The following MAPK10 variants were observed in gnomAD, a reference collection of about 807,000 sequenced individuals.
MAPK10 encodes the protein JNK3 alpha protein kinase.
MAPK10 carries 25 observed loss-of-function variants against 59.3 expected under a neutral mutation model. The ratio of observed to expected loss-of-function variants is 0.42; its 90% CI spans 0.31 to 0.59. The LOEUF is 0.59. Ranked by LOEUF, MAPK10 falls within the 20% of genes least tolerant of loss-of-function variation. The pLI, the probability that MAPK10 is intolerant of heterozygous loss-of-function variation, is 0.15. For missense variants in MAPK10, 351 were observed against 568.9 expected (o/e 0.62, Z 3.90); for synonymous variants, 190 against 200.5 (o/e 0.95, Z 0.44).
At chr4:86,070,345 T>A (rs993243947) in intron 9 of MAPK10, among the ~76,000 whole-genome samples, 2 of 146,846 alleles carry the variant, frequency 1.4e-5, no homozygotes, top group African/African-American at 5.5e-5. Flanking sequence ...ATGATTTTTC[T>A]TTCTTTTTTT....
chr4:86,502,199 T>G (rs941227417), intron 1 of MAPK10, among the ~76,000 whole-genome samples: 18 of 152,024 alleles, frequency 1.2e-4, no homozygotes, highest in Admixed American at 7.9e-4. Flanking sequence ...ACTCATACAT[T>G]TACAACTTGG....
chr4:86,215,588 AC>A (rs1222171812), intron 2 of MAPK10, among the ~76,000 whole-genome samples: 1 of 152,224 alleles, frequency 6.6e-6, no homozygotes, highest in Non-Finnish European at 1.5e-5. Flanking sequence ...TTGGCAGGGC[AC>A]AGTGGCTCAT....
intron 4 of MAPK10, among the ~76,000 whole-genome samples, chr4:86,146,287 C>T (rs1166619201): frequency 6.6e-6 from 1 of 152,138 alleles, no homozygotes; most frequent in Non-Finnish European, 1.5e-5. Flanking sequence ...CCTTATGGAG[C>T]TTACAGTCTA....
rs2095547233 is a variant in MAPK10, at chr4:86,305,298, TAA to T, written c.-7+49230_-7+49231del. 3.9e-5 allele frequency among the ~76,000 whole-genome samples: 6 copies of T among 152,300 alleles called. No individual in the cohort carries two copies. In the South Asian group the frequency reaches 1.2e-3, roughly 32 times the overall value. On this transcript the variant is annotated intron_variant, in intron 2 of 13. Coordinates refer to ENST00000641462, the MANE Select transcript of MAPK10 (RefSeq NM_138982.4). ...CTCCCATCCATAAATGCTAACCTAG[TAA>T]AGAGTCATGTAGATTCTGGGAAATT...
intron 4 of MAPK10, among the ~76,000 whole-genome samples, chr4:86,115,719 C>G (rs1439219869): frequency 6.6e-6 from 1 of 152,148 alleles, no homozygotes. Context: ...TCTTGGCCTC[C>G]CAAAGTGCTG....
At chr4:86,274,673 A>T (rs1007903578) in intron 2 of MAPK10, among the ~76,000 whole-genome samples, 2 of 152,010 alleles carry the variant, frequency 1.3e-5, no homozygotes, top group African/African-American at 4.8e-5. Context: ...CAGCCTCTAA[A>T]GATGATGCCA....
At chr4:86,143,051 T>C (rs1355444361) in intron 4 of MAPK10, among the ~76,000 whole-genome samples, 3 of 152,102 alleles carry the variant, frequency 2.0e-5, no homozygotes, top group Admixed American at 6.5e-5. Flanking sequence ...TTCCACATTG[T>C]TGGGGAGGTC....
intron 1 of MAPK10, among the ~76,000 whole-genome samples, chr4:86,527,675 AAAAT>A (rs1324472294): frequency 6.6e-6 from 1 of 152,230 alleles, no homozygotes; most frequent in Non-Finnish European, 1.5e-5. Context: ...TAGCCAGAGG[AAAAT>A]AAATCATTCT....
chr4:86,147,062 T>C (rs1202643966), intron 4 of MAPK10, among the ~76,000 whole-genome samples: 3 of 152,086 alleles, frequency 2.0e-5, no homozygotes. Flanking sequence ...TTGTTTTGAT[T>C]AATATATTTT....
At chr4:86,544,881 CT>C (rs57179485) in intron 1 of MAPK10, among the ~76,000 whole-genome samples, 1,710 of 138,994 alleles carry the variant, frequency 0.012, 9 homozygotes, top group Non-Finnish European at 0.017. Flanking sequence ...AGGTTTTTTT[CT>C]TTTTTTTTTT....
chr4:86,221,688 G>C (rs1306866779), intron 2 of MAPK10, among the ~76,000 whole-genome samples: 2 of 151,492 alleles, frequency 1.3e-5, no homozygotes, highest in African/African-American at 4.9e-5. Flanking sequence ...TGTTTTTGTA[G>C]AGACAGGTTT....
intron 1 of MAPK10, among the ~76,000 whole-genome samples, chr4:86,382,693 T>A (rs1240063017): frequency 1.3e-5 from 2 of 152,210 alleles, no homozygotes; most frequent in Non-Finnish European, 2.9e-5. Flanking sequence ...GGCCATACAT[T>A]TCTTTGAGAG....
At chr4:86,089,148 A>G in intron 9 of MAPK10, 2 of 1,332,714 alleles carry the variant, frequency 1.5e-6, no homozygotes, top group Non-Finnish European at 2.1e-6. Flanking sequence ...CATTTGAGAC[A>G]AAAGGGAATT....
chr4:86,448,338 G>A (rs1750289174), intron 1 of MAPK10, among the ~76,000 whole-genome samples: 2 of 150,784 alleles, frequency 1.3e-5, no homozygotes, highest in Admixed American at 6.6e-5. Context: ...CTAGTCTATT[G>A]TTCCTTGATG....
chr4:86,525,287 C>A (rs1033948300), intron 1 of MAPK10, among the ~76,000 whole-genome samples: 1 of 151,964 alleles, frequency 6.6e-6, no homozygotes, highest in Non-Finnish European at 1.5e-5. Flanking sequence ...CAGAGTGAGA[C>A]CCCATCTCAA....
intron 2 of MAPK10, among the ~76,000 whole-genome samples, chr4:86,346,751 A>C (rs950529802): frequency 1.4e-4 from 19 of 139,530 alleles, no homozygotes; most frequent in African/African-American, 4.3e-4. Flanking sequence ...AAAAAAAAAA[A>C]ACACATCTAA....
chr4:86,255,694 AT>A (rs2093677279), intron 2 of MAPK10, among the ~76,000 whole-genome samples: 1 of 141,950 alleles, frequency 7.0e-6, no homozygotes, highest in Non-Finnish European at 1.6e-5. Context: ...TCAAAAGCAA[AT>A]TTTATTTTTC....
chr4:86,141,221 T>G (rs1443396821), intron 4 of MAPK10, among the ~76,000 whole-genome samples: 1 of 152,194 alleles, frequency 6.6e-6, no homozygotes, highest in Non-Finnish European at 1.5e-5. Context: ...AGAAAGGATA[T>G]AGTTTACAAA....
chr4:86,496,118 G>A (rs1410640032), intron 1 of MAPK10, among the ~76,000 whole-genome samples: 6 of 152,106 alleles, frequency 3.9e-5, no homozygotes, highest in Non-Finnish European at 5.9e-5. Flanking sequence ...AAGCCCAAAT[G>A]CTATAGGGAC....
Sources: gnomAD v4.1 joint callset for allele counts (sites outside exome capture counted in the v4.1 genomes callset) on GRCh38, gnomAD v4.1.1 for gene constraint, MANE v1.5 for transcripts, NCBI Gene and HGNC (gene_info 2026-07-23, HGNC 2026-07-21) for gene names.